Variants in FAM13C observed in about 807,000 individuals in gnomAD.
FAM13C encodes the protein family with sequence similarity 13 member C.
Under a neutral mutation model 73.2 loss-of-function variants are expected in FAM13C, and 37 were observed. The observed-to-expected ratio is 0.51, with a 90% CI of 0.39 to 0.67. The LOEUF (loss-of-function observed/expected upper bound fraction) is 0.67. FAM13C is among the 30% of genes least tolerant of loss of function. The probability of loss-of-function intolerance (pLI) is 0.00; values close to 1 mark genes in which losing one functional copy is unlikely to be tolerated. For synonymous variants in FAM13C, 246 were observed against 260.9 expected, an observed-to-expected ratio of 0.94 and a Z score of 0.55; for missense variants, 589 against 715.6, an observed-to-expected ratio of 0.82 and a Z score of 2.02.
chr10:59,260,446 C>G (rs1842390438), intron 10 of FAM13C, among the ~76,000 whole-genome samples: 1 of 152,172 alleles, frequency 6.6e-6, no homozygotes. Flanking sequence ...CAAGCTCTTC[C>G]TTTCATCACG....
intron 4 of FAM13C, among the ~76,000 whole-genome samples, chr10:59,309,349 C>T (rs1848664116): frequency 6.6e-6 from 1 of 152,174 alleles, no homozygotes. Context: ...CCACCGTTCA[C>T]ACAAGATCTT....
intron 3 of FAM13C, among the ~76,000 whole-genome samples, chr10:59,349,385 G>A (rs1286882054): frequency 6.6e-6 from 1 of 152,180 alleles, no homozygotes; most frequent in Non-Finnish European, 1.5e-5. Context: ...ACACCAGTGG[G>A]CTGAGTCAGG....
At chr10:59,292,037 CT>C (rs1846323388) in intron 5 of FAM13C, among the ~76,000 whole-genome samples, 1 of 152,114 alleles carries the variant, frequency 6.6e-6, no homozygotes, top group African/African-American at 2.4e-5. Context: ...GTCCGCCCAC[CT>C]TGGCCTCCCA....
intron 11 of FAM13C, chr10:59,254,143 A>G: frequency 2.5e-6 from 1 of 398,634 alleles, no homozygotes; most frequent in Non-Finnish European, 4.4e-6. Context: ...ATATGTTCCT[A>G]TTTTACAATA....
chr10:59,323,225 CG>C (rs1301841729), intron 4 of FAM13C: 1 of 152,280 alleles, frequency 6.6e-6, no homozygotes, highest in Non-Finnish European at 1.5e-5. Flanking sequence ...ACACAACTAG[CG>C]GTTGAATTCT....
chr10:59,264,913 A>C (rs1842868984), intron 8 of FAM13C, among the ~76,000 whole-genome samples: 1 of 152,156 alleles, frequency 6.6e-6, no homozygotes, highest in Non-Finnish European at 1.5e-5. Context: ...AGGATGTACA[A>C]GGAAGTATAA....
chr10:59,296,563 G>T (rs1017074400), intron 5 of FAM13C, among the ~76,000 whole-genome samples: 14 of 152,170 alleles, frequency 9.2e-5, no homozygotes, highest in Non-Finnish European at 1.8e-4. Flanking sequence ...TGTAGAATAA[G>T]ACTGCAATTA....
At chr10:59,336,940 G>A (rs1038665688) in intron 3 of FAM13C, among the ~76,000 whole-genome samples, 2 of 152,162 alleles carry the variant, frequency 1.3e-5, no homozygotes, top group Non-Finnish European at 2.9e-5. Context: ...GTTCACGGAT[G>A]ACAAATTAGG....
intron 13 of FAM13C, among the ~76,000 whole-genome samples, chr10:59,250,195 G>T (rs927656002): frequency 6.6e-6 from 1 of 152,044 alleles, no homozygotes; most frequent in Admixed American, 6.6e-5. Flanking sequence ...ACTTTATAGT[G>T]CAAGTCACAT....
intron 7 of FAM13C, 47 bp from the exon 8 acceptor site, chr10:59,268,738 C>A: frequency 6.3e-7 from 1 of 1,591,538 alleles, no homozygotes; most frequent in Non-Finnish European, 8.5e-7. Context: ...AGTGGGCTTC[C>A]AGTAAACAGT....
chr10:59,281,740 A>C (rs1456993653), intron 6 of FAM13C, among the ~76,000 whole-genome samples: 3 of 152,352 alleles, frequency 2.0e-5, no homozygotes, highest in Admixed American at 2.0e-4. Context: ...AGAAAATCCA[A>C]AACTATTCTT....
intron 6 of FAM13C, among the ~76,000 whole-genome samples, chr10:59,281,165 A>G (rs1844879079): frequency 6.6e-6 from 1 of 152,184 alleles, no homozygotes; most frequent in Non-Finnish European, 1.5e-5. Context: ...ATCTGTGTTC[A>G]TCTTACACAA....
intron 3 of FAM13C, among the ~76,000 whole-genome samples, chr10:59,342,565 G>A (rs1181456524): frequency 1.6e-4 from 24 of 152,120 alleles, no homozygotes; most frequent in African/African-American, 4.1e-4. Flanking sequence ...AGTAATTTAC[G>A]TAAGTATACC....
At chr10:59,362,596 T>C, upstream of FAM13C, 1 of 1,503,362 alleles carries the variant, frequency 6.7e-7, no homozygotes, top group South Asian at 1.3e-5. Flanking sequence ...TGTCTGCACA[T>C]GCTCGTAACG....
At chr10:59,256,016 C>A (rs1040545484) in intron 10 of FAM13C, among the ~76,000 whole-genome samples, 1 of 152,188 alleles carries the variant, frequency 6.6e-6, no homozygotes, top group African/African-American at 2.4e-5. Context: ...AAGTTCCATA[C>A]GCTGTGACCT....
chr10:59,249,412 A>AG (rs1304565620), intron 13 of FAM13C, among the ~76,000 whole-genome samples: 2 of 149,570 alleles, frequency 1.3e-5, no homozygotes, highest in Non-Finnish European at 3.0e-5. Context: ...TCAAAAGAAA[A>AG]AAAAAAAAAA....
At chr10:59,313,146 A>G (rs1849131218) in intron 4 of FAM13C, among the ~76,000 whole-genome samples, 1 of 152,214 alleles carries the variant, frequency 6.6e-6, no homozygotes, top group Non-Finnish European at 1.5e-5. Flanking sequence ...GGGATCATCC[A>G]GTGATAACAC....
intron 2 of FAM13C, among the ~76,000 whole-genome samples, chr10:59,354,751 A>G (rs1355365198): frequency 1.3e-5 from 2 of 152,164 alleles, no homozygotes; most frequent in African/African-American, 4.8e-5. Flanking sequence ...TGCCTCCAAG[A>G]TAATTCTGAA....
At chr10:59,266,274 A>AT (rs1418891389) in intron 8 of FAM13C, among the ~76,000 whole-genome samples, 4 of 152,214 alleles carry the variant, frequency 2.6e-5, no homozygotes, top group African/African-American at 9.6e-5. Context: ...CAATAATCAA[A>AT]TGCAAAATCA....
Sources: allele counts gnomAD v4.1 joint callset (sites outside exome capture counted in the v4.1 genomes callset), GRCh38; gene constraint gnomAD v4.1.1; transcripts MANE v1.5; gene names NCBI Gene and HGNC (gene_info 2026-07-23, HGNC 2026-07-21).